Variants in SAP130 observed in about 807,000 individuals in gnomAD.
SAP130 encodes the protein Sin3A associated protein 130, also known as histone deacetylase complex subunit SAP130.
Under a neutral mutation model 103.2 loss-of-function variants are expected in SAP130, and 16 were observed. That is an observed-to-expected ratio of 0.16 (90% CI 0.10 to 0.24). SAP130 has a LOEUF of 0.24. Ranked by LOEUF, SAP130 falls within the 10% of genes least tolerant of loss-of-function variation. SAP130 has a pLI of 1.00. For synonymous variants in SAP130, 477 were observed against 497.0 expected (o/e 0.96, Z 0.53); for missense variants, 990 against 1,359.7 (o/e 0.73, Z 4.28).
chr2:127,988,177 C>T (rs1559071996), intron 13 of SAP130, among the ~76,000 whole-genome samples: 1 of 152,156 alleles, frequency 6.6e-6, no homozygotes, highest in African/African-American at 2.4e-5. Flanking sequence ...AATCGCAGCA[C>T]TTTGGGAGGA....
In SAP130 at chr2:128,013,097, G is replaced by A; in HGVS notation, c.677C>T (p.Thr226Ile). 6.2e-7 allele frequency: 1 copy of A among 1,613,392 alleles called. No homozygotes were observed. Among genetic ancestry groups the A allele is most frequent in the Non-Finnish European group, 8.5e-7 (1 of 1,179,806 alleles). Residue 226 changes from threonine to isoleucine, a missense_variant, in exon 6 of 21, where the codon ACC becomes ATC. Thr to Ile is a moderately conservative substitution (Grantham distance 89). Coordinates refer to ENST00000643581, the MANE Select transcript of SAP130 (RefSeq NM_001330301.2). ...SSKVTTVLRP[T>I]SQLPNAATAQ... is the part of the protein sequence containing the mutation. The stretch of plus-strand genomic sequence containing the variant: ...AGTAGCAGCATTTGGCAGCTGTGAG[G>A]TCGGCCTCAGGACTGTGGTTACTTT...
At position 127,989,633 on chromosome 2, in the gene SAP130, T is replaced by C. The variant is rs778626781; in HGVS notation, c.1711A>G (p.Ile571Val). 1.7e-5 allele frequency: 27 copies of C among 1,614,030 alleles called. No individual in the cohort carries two copies. Among genetic ancestry groups the C allele is most frequent in the Non-Finnish European group, 1.9e-5 (22 of 1,180,034 alleles). ...GTQGIHSATPINTQGLQPAPM... is the reference protein window; with the variant it reads ...GTQGIHSATPVNTQGLQPAPM... ...GCAGGCTGAAGCCCTTGTGTGTTGATTGGGGTTGCTGAGTGAATTCCCTGT... is the reference window on the plus strand; with the variant it reads ...GCAGGCTGAAGCCCTTGTGTGTTGACTGGGGTTGCTGAGTGAATTCCCTGT... The change falls in exon 13 of 21, where the codon ATC becomes GTC. Residue 571 changes from isoleucine to valine, a missense_variant. Ile to Val is a conservative substitution (Grantham distance 29, BLOSUM62 3). This residue lies in a region of SAP130 where 349 missense variants were observed against 384.1 expected (regional missense o/e 0.91). Transcript: ENST00000643581. The surrounding 1 kb of genome is among the most constrained non-coding windows in gnomAD (Gnocchi z 4.6).
intron 7 of SAP130, among the ~76,000 whole-genome samples, chr2:128,003,775 G>A (rs1458365333): frequency 4.0e-5 from 6 of 151,866 alleles, no homozygotes; most frequent in African/African-American, 1.5e-4. Context: ...AAACGTTTGA[G>A]ATGAGAAGTG....
At chr2:128,002,862 G>A (rs1683659549) in intron 7 of SAP130, among the ~76,000 whole-genome samples, 1 of 152,054 alleles carries the variant, frequency 6.6e-6, no homozygotes, top group Non-Finnish European at 1.5e-5. Flanking sequence ...AGTGGCTCAC[G>A]CTTGTAATCC....
At chr2:128,027,034 G>A in intron 1 of SAP130, 1 of 1,353,040 alleles carries the variant, frequency 7.4e-7, no homozygotes, top group South Asian at 2.0e-5. Flanking sequence ...CTCCGGGGTG[G>A]GGGTGCGGAC....
At chr2:128,012,990 C>A in intron 6 of SAP130, 40 bp downstream of exon 6, 1 of 1,571,726 alleles carries the variant, frequency 6.4e-7, no homozygotes, top group Non-Finnish European at 8.6e-7. Context: ...GAATGAATAA[C>A]TCCAATGAGG....
chr2:127,998,523 T>TC (rs1373514144), intron 10 of SAP130, among the ~76,000 whole-genome samples: 1 of 152,242 alleles, frequency 6.6e-6, no homozygotes, highest in African/African-American at 2.4e-5. Context: ...ATATCAGGTT[T>TC]CCCTTCTCAA....
intron 2 of SAP130, among the ~76,000 whole-genome samples, chr2:128,024,893 A>G (rs1306743657): frequency 6.6e-6 from 1 of 151,620 alleles, no homozygotes; most frequent in Admixed American, 6.6e-5. Context: ...AAATTAAAAA[A>G]ATAAAAAATA....
chr2:127,965,869 G>T (rs758628496), intron 15 of SAP130, among the ~76,000 whole-genome samples: 9 of 151,490 alleles, frequency 5.9e-5, no homozygotes, highest in Non-Finnish European at 7.4e-5. Flanking sequence ...TTATTATTTC[G>T]ATTTATTATT....
chr2:127,960,474 A>T (rs1385217132), intron 15 of SAP130, among the ~76,000 whole-genome samples: 1 of 152,232 alleles, frequency 6.6e-6, no homozygotes, highest in African/African-American at 2.4e-5. Context: ...TTTGGTGGAA[A>T]GTTTGAAGAT....
Position 127,999,822 on chromosome 2 carries a change from G to C in SAP130, c.1132C>G (p.Pro378Ala). 1 of 1,536,170 alleles carries C rather than the reference G, an allele frequency of 6.5e-7. No homozygotes were observed. Among genetic ancestry groups the C allele is most frequent in the Non-Finnish European group, 8.7e-7 (1 of 1,144,928 alleles). The change falls in exon 10 of 21, where the codon CCC (proline) becomes GCC (alanine). Residue 378 changes from proline to alanine, a missense_variant. This residue lies in a region of SAP130 where 336 missense variants were observed against 520.1 expected (regional missense o/e 0.65). Coordinates refer to ENST00000643581, the MANE Select transcript of SAP130 (RefSeq NM_001330301.2). ...GTCATGGTAACAATGGTACTTGTGG[G>C]AGCTTGCGTGTGTGACACAGATCCT... The part of the protein sequence containing the change: ...TAGSVSHTQA[P>A]TSTIVTMTVP...
rs540990179 is a variant in SAP130, at chr2:128,016,119, T to C, written c.507+270A>G. Among the ~76,000 whole-genome samples, 3 of 151,982 alleles carry C rather than the reference T, an allele frequency of 2.0e-5. No homozygotes were observed. The South Asian group carries it at 6.2e-4, about 32-fold the overall frequency. ...CCGGACTCCTCAAGGACACGGACTG[T>C]TTTATCTAGATTTATATATCACACT... is the stretch of plus-strand genomic sequence containing the variant. On this transcript the variant is annotated intron_variant, in intron 4 of 20. Transcript: ENST00000643581.
rs916829933 is a variant in SAP130 at position 127,993,092 on chromosome 2, T to C, written c.1477+95A>G. 2.9e-6 allele frequency: 4 copies of C among 1,398,804 alleles called. No homozygotes were observed. The African/African-American group carries it at 4.3e-5, about 15-fold the overall frequency. The allele number at this position is 1,398,804 out of a possible 1,614,324, so 86.6% of individuals were successfully genotyped here. A position where few individuals can be genotyped will look rare whatever the true frequency, so the allele number is the denominator to read the frequency against. On this transcript the variant is annotated intron_variant, in intron 12 of 20. Coordinates refer to ENST00000643581, the MANE Select transcript of SAP130 (RefSeq NM_001330301.2). ...AATCTGAAAACAGAAGCTGAAATAA[T>C]TAATCTCATACAAAAAATAACCCCT...
At chr2:128,020,420 C>T (rs1462038831) in intron 2 of SAP130, among the ~76,000 whole-genome samples, 1 of 152,228 alleles carries the variant, frequency 6.6e-6, no homozygotes, top group Non-Finnish European at 1.5e-5. Context: ...AACAAATACA[C>T]CCTATTGTGC....
At chr2:128,021,175 G>A (rs1347299442) in intron 2 of SAP130, among the ~76,000 whole-genome samples, 1 of 151,714 alleles carries the variant, frequency 6.6e-6, no homozygotes, top group Non-Finnish European at 1.5e-5. Flanking sequence ...GTGGCCGGGC[G>A]TGGTGGCTCA....
chr2:127,984,134 T>C (rs1414450444), intron 14 of SAP130, among the ~76,000 whole-genome samples: 1 of 152,194 alleles, frequency 6.6e-6, no homozygotes, highest in African/African-American at 2.4e-5. Flanking sequence ...TTGAGATTTC[T>C]TCAATTTTAT....
chr2:127,947,757 T>TGTGTCTGTGTGTGTGA (rs1679188315), intron 18 of SAP130, among the ~76,000 whole-genome samples: 2 of 125,578 alleles, frequency 1.6e-5, no homozygotes, highest in African/African-American at 7.5e-5. Context: ...TTTTGTATTG[T>TGTGTCTGTGTGTGTGA]GTGTGTCTGT....
intron 2 of SAP130, among the ~76,000 whole-genome samples, chr2:128,018,773 G>A (rs1279296370): frequency 6.6e-6 from 1 of 150,530 alleles, no homozygotes; most frequent in Non-Finnish European, 1.5e-5. Flanking sequence ...CTCCAGCTTG[G>A]ATGACACAGT....
chr2:128,011,807 A>C lies in SAP130; in HGVS notation c.744+1223T>G, dbSNP rs191340976. Reference sequence around the variant, plus strand: ...CTCCTGTATGTGATTCAGCTAGATTAATCTTATCTTTCTTATTTTTTGTGA... The same window carrying C: ...CTCCTGTATGTGATTCAGCTAGATTCATCTTATCTTTCTTATTTTTTGTGA... On this transcript the variant is annotated intron_variant, in intron 6 of 20. Transcript: ENST00000643581. 4.9e-3 allele frequency among the ~76,000 whole-genome samples: 742 copies of C among 152,198 alleles called. 3 individuals carry two copies. Among genetic ancestry groups the C allele is most frequent in the Non-Finnish European group, 8.2e-3 (555 of 67,998 alleles).
Sources: allele counts gnomAD v4.1 joint callset (sites outside exome capture counted in the v4.1 genomes callset), GRCh38; gene constraint gnomAD v4.1.1; regional missense constraint gnomAD v4.1.1; non-coding constraint Gnocchi (gnomAD v3.1); transcripts MANE v1.5; gene names NCBI Gene and HGNC (gene_info 2026-07-23, HGNC 2026-07-21).